ELP4: variants seen among roughly 807,000 people sequenced by gnomAD.
ELP4 encodes the protein elongator acetyltransferase complex subunit 4, also known as elongator complex protein 4.
Under a neutral mutation model 48.9 loss-of-function variants are expected in ELP4, and 51 were observed. That is an observed-to-expected ratio of 1.04 (90% CI 0.83 to 1.32). ELP4 has a LOEUF of 1.32. Among genes scored for constraint, ELP4 ranks in the 40% most tolerant of loss-of-function variants. The pLI is 0.00. For missense variants in ELP4, 519 were observed against 514.6 expected, an observed-to-expected ratio of 1.01 and a Z score of -0.08; for synonymous variants, 210 against 189.2, an observed-to-expected ratio of 1.11 and a Z score of -0.90.
intron 3 of ELP4, among the ~76,000 whole-genome samples, chr11:31,559,593 A>G (rs950581629): frequency 9.9e-5 from 15 of 152,192 alleles, no homozygotes; most frequent in African/African-American, 3.4e-4. Flanking sequence ...CTTCTCAGTA[A>G]TCAAAGAGTA....
At chr11:31,714,134 A>C (rs149845687) in intron 9 of ELP4, among the ~76,000 whole-genome samples, 123 of 152,276 alleles carry the variant, frequency 8.1e-4, no homozygotes, top group African/African-American at 2.9e-3. Context: ...AAACTGCTTA[A>C]GTCTGGTAAG....
intron 9 of ELP4, among the ~76,000 whole-genome samples, chr11:31,772,856 T>G (rs1215346150): frequency 6.6e-6 from 1 of 152,238 alleles, no homozygotes; most frequent in Non-Finnish European, 1.5e-5. Context: ...TCTCCAGGCA[T>G]GAGTGAGGAA....
intron 1 of ELP4, chr11:31,511,446 G>C (rs1956003450): frequency 1.3e-5 from 2 of 152,076 alleles, no homozygotes; most frequent in South Asian, 4.1e-4. Flanking sequence ...AATGTTCCTA[G>C]TGTACCTCCT....
chr11:31,615,954 C>G (rs915554011), intron 5 of ELP4, among the ~76,000 whole-genome samples: 1 of 151,964 alleles, frequency 6.6e-6, no homozygotes, highest in South Asian at 2.1e-4. Context: ...ATTTTTCTGT[C>G]AAGTACTATT....
intron 2 of ELP4, among the ~76,000 whole-genome samples, chr11:31,531,447 T>A (rs1236118872): frequency 6.6e-6 from 1 of 152,198 alleles, no homozygotes; most frequent in Non-Finnish European, 1.5e-5. Flanking sequence ...AAGAGGGTGC[T>A]CCAGAGCACA....
intron 7 of ELP4, among the ~76,000 whole-genome samples, chr11:31,634,901 A>C (rs542943281): frequency 6.6e-6 from 1 of 152,038 alleles, no homozygotes; most frequent in Admixed American, 6.6e-5. Flanking sequence ...CTTTTTTTAA[A>C]AAACTGCACA....
At chr11:31,659,753 C>T (rs755497101) in intron 9 of ELP4, among the ~76,000 whole-genome samples, 14 of 151,894 alleles carry the variant, frequency 9.2e-5, no homozygotes, top group Non-Finnish European at 1.6e-4. Flanking sequence ...TTTGGGAGGC[C>T]GAGGTAGATG....
At chr11:31,555,993 C>G (rs1211392712) in intron 3 of ELP4, among the ~76,000 whole-genome samples, 1 of 151,820 alleles carries the variant, frequency 6.6e-6, no homozygotes, top group Non-Finnish European at 1.5e-5. Context: ...ATAACCAACG[C>G]AAATATTTCT....
intron 3 of ELP4, among the ~76,000 whole-genome samples, chr11:31,562,623 C>T (rs1358899759): frequency 6.6e-6 from 1 of 152,072 alleles, no homozygotes. Context: ...AAGTGTTTTT[C>T]ACCCTTTCTT....
In ELP4 at chr11:31,787,019, TTAAA is replaced by T. The variant is rs1181217032; in HGVS notation, c.*3503_*3506del. 1.3e-5 allele frequency: 2 copies of T among 152,852 alleles called. No individual in the cohort carries two copies. The highest frequency in any genetic ancestry group is 2.3e-5 in the Non-Finnish European group (2 of 85,786). The allele number at this position is 152,852 out of a possible 1,614,324, so 9.5% of individuals were successfully genotyped here. On this transcript the variant is annotated 3_prime_UTR_variant, in exon 10 of 10. Transcript: ENST00000640961. Reference sequence around the variant, plus strand: ...GATAAATATATAAATATATGTATCGTTAAATAAATAATAAACAAAAATTATTTCA... The same window carrying T: ...GATAAATATATAAATATATGTATCGTTAAATAATAAACAAAAATTATTTCA...
At chr11:31,639,750 G>T (rs1209264540) in intron 7 of ELP4, among the ~76,000 whole-genome samples, 3 of 151,832 alleles carry the variant, frequency 2.0e-5, no homozygotes, top group Non-Finnish European at 1.5e-5. Context: ...TAAAAGAGAA[G>T]TACGATTCAG....
intron 9 of ELP4, chr11:31,653,901 A>T (rs1407200249): frequency 6.6e-6 from 1 of 151,702 alleles, no homozygotes; most frequent in African/African-American, 2.4e-5. Flanking sequence ...TTCTTTAGTA[A>T]TTATGATGTA....
At chr11:31,597,952 CTTTT>C (rs58093641) in intron 4 of ELP4, among the ~76,000 whole-genome samples, 1 of 96,296 alleles carries the variant, frequency 1.0e-5, no homozygotes, top group Non-Finnish European at 2.0e-5. Flanking sequence ...AGCCTTTTCT[CTTTT>C]TTTTTTTTTT....
chr11:31,597,811 C>G (rs1263757303), intron 4 of ELP4, among the ~76,000 whole-genome samples: 1 of 152,076 alleles, frequency 6.6e-6, no homozygotes, highest in African/African-American at 2.4e-5. Context: ...AGGTGATCTG[C>G]CTGCCTTGGC....
At position 31,632,245 on chromosome 11, in the gene ELP4, G is replaced by A; in HGVS notation, c.767G>A (p.Gly256Glu). 6.2e-7 allele frequency: 1 copy of A among 1,602,542 alleles called. No individual in the cohort carries two copies. Among genetic ancestry groups the A allele is most frequent in the South Asian group, 1.1e-5 (1 of 88,334 alleles). ...AAACAGAGAAACATTTTAAGAATAG[G>A]AATTCAGAATCTTGGCTCACCTTTA... is the stretch of plus-strand genomic sequence containing the variant. Reference protein sequence around the residue: ...QKKQRNILRIGIQNLGSPLWG... With the variant: ...QKKQRNILRIEIQNLGSPLWG... Residue 256 changes from glycine (G) to glutamate (E), a missense_variant, in exon 7 of 10, where the codon GGA becomes GAA. Transcript: ENST00000640961.
intron 9 of ELP4, among the ~76,000 whole-genome samples, chr11:31,705,319 G>A (rs1202018143): frequency 6.6e-6 from 1 of 152,026 alleles, no homozygotes; most frequent in African/African-American, 2.4e-5. Context: ...CCATCATGGG[G>A]CCCCACCCTG....
intron 5 of ELP4, 60 bp from the exon 6 acceptor site, chr11:31,627,050 A>G (rs1026871466): frequency 3.5e-5 from 31 of 897,044 alleles, no homozygotes; most frequent in Non-Finnish European, 5.5e-5. Context: ...TTTATCATAG[A>G]TTGTGTACTT....
chr11:31,564,540 C>T (rs986343688), intron 3 of ELP4, among the ~76,000 whole-genome samples: 1 of 152,086 alleles, frequency 6.6e-6, no homozygotes, highest in African/African-American at 2.4e-5. Flanking sequence ...CCTGCTACCC[C>T]AGGACAAGCC....
intron 3 of ELP4, among the ~76,000 whole-genome samples, chr11:31,556,842 A>G (rs765344875): frequency 4.0e-5 from 6 of 151,856 alleles, no homozygotes; most frequent in Non-Finnish European, 7.4e-5. Context: ...TTAAAATTTT[A>G]CTCAGGATAG....
Sources: gnomAD v4.1 joint callset for allele counts (sites outside exome capture counted in the v4.1 genomes callset) on GRCh38, gnomAD v4.1.1 for gene constraint, MANE v1.5 for transcripts, NCBI Gene and HGNC (gene_info 2026-07-23, HGNC 2026-07-21) for gene names.